Variants in AIDA observed in about 807,000 individuals in gnomAD.
AIDA encodes axin interactor, dorsalization associated, also known as axin interactor, dorsalization-associated protein.
A neutral mutation model predicts 42.7 loss-of-function variants in AIDA; 18 were observed. The observed-to-expected ratio is 0.42, with a 90% CI of 0.29 to 0.63. The LOEUF (loss-of-function observed/expected upper bound fraction) is 0.63, where lower values mean the gene tolerates loss of function less well. AIDA is among the 20% of genes least tolerant of loss of function. AIDA has a pLI of 0.19. For missense variants in AIDA, 250 were observed against 354.1 expected (o/e 0.71, Z 2.36); for synonymous variants, 104 against 122.9 (o/e 0.85, Z 1.02).
Position 222,698,912 on chromosome 1 carries a change from G to A in AIDA, c.180+4236C>T, listed in dbSNP as rs144313250. The stretch of plus-strand genomic sequence containing the variant: ...AGGATCTTGGTTCACTGCAAGCTCC[G>A]CCTCCCAGGTTCATGCCATTGTTCT... On this transcript the variant is annotated intron_variant, in intron 2 of 9. Coordinates refer to ENST00000340020, the MANE Select transcript of AIDA (RefSeq NM_022831.4). 1.7e-3 allele frequency among the ~76,000 whole-genome samples: 253 copies of A among 152,050 alleles called. 1 individual carries two copies. The highest frequency in any genetic ancestry group is 5.4e-3 in the African/African-American group (224 of 41,488).
intron 1 of AIDA, chr1:222,711,879 T>G (rs1032693193): frequency 2.2e-5 from 6 of 273,806 alleles, no homozygotes; most frequent in Non-Finnish European, 4.2e-5. Flanking sequence ...GGAAACTGAC[T>G]GCCAAGTGGG....
chr1:222,668,080 G>A lies in AIDA; in HGVS notation c.*1813C>T, dbSNP rs1035200880. 1.3e-5 allele frequency: 2 copies of A among 152,046 alleles called. No individual in the cohort carries two copies. Among genetic ancestry groups the A allele is most frequent in the Non-Finnish European group, 2.9e-5 (2 of 68,002 alleles). The allele number at this position is 152,046 out of a possible 1,614,324, so 9.4% of individuals were successfully genotyped here. A position where few individuals can be genotyped will look rare whatever the true frequency, so the allele number is the denominator to read the frequency against. ...TTCATATAAACTATACTTATGTGAA[G>A]GATAGCAGATGCTTCATATAAATTA... On this transcript the variant is annotated 3_prime_UTR_variant, in exon 10 of 10. Transcript: ENST00000340020.
chr1:222,688,203 CA>C (rs1165416430), intron 4 of AIDA, among the ~76,000 whole-genome samples: 3 of 151,946 alleles, frequency 2.0e-5, no homozygotes, highest in Non-Finnish European at 4.4e-5. Context: ...TACTCTGTTT[CA>C]AAAAAAGTTG....
chr1:222,682,061 T>C (rs1664664701), intron 6 of AIDA, among the ~76,000 whole-genome samples: 1 of 151,944 alleles, frequency 6.6e-6, no homozygotes, highest in Admixed American at 6.6e-5. Flanking sequence ...GGATGAGGAG[T>C]CTGGGGTTAC....
chr1:222,674,698 T>A (rs758383582), intron 7 of AIDA, among the ~76,000 whole-genome samples: 8 of 152,248 alleles, frequency 5.3e-5, no homozygotes, highest in Non-Finnish European at 8.8e-5. Flanking sequence ...ATGGTTTTAA[T>A]TTCCTGGACC....
chr1:222,686,361 T>C (rs973181974), intron 6 of AIDA, among the ~76,000 whole-genome samples: 1 of 152,218 alleles, frequency 6.6e-6, no homozygotes. Context: ...GTGAACAATA[T>C]GGTTTGTGCT....
At chr1:222,686,753 T>C (rs188902610) in intron 6 of AIDA, among the ~76,000 whole-genome samples, 177 bp downstream of exon 6, 6 of 152,280 alleles carry the variant, frequency 3.9e-5, no homozygotes, top group African/African-American at 1.2e-4. Flanking sequence ...CTGACACAGA[T>C]AGTAAGATAA....
chr1:222,691,908 G>C (rs1015264329), intron 4 of AIDA, among the ~76,000 whole-genome samples: 2 of 152,098 alleles, frequency 1.3e-5, no homozygotes, highest in Non-Finnish European at 2.9e-5. Flanking sequence ...GAATTAAACA[G>C]TATTTTCTTA....
chr1:222,669,085 A>T lies in AIDA; in HGVS notation c.*808T>A, dbSNP rs1245956772. 1 of 151,730 alleles carries T rather than the reference A, an allele frequency of 6.6e-6. No individual in the cohort carries two copies. The highest frequency in any genetic ancestry group is 1.5e-5 in the Non-Finnish European group (1 of 67,958). 9.4% of individuals were successfully genotyped at this position (151,730 alleles called of 1,614,324 possible). A position where few individuals can be genotyped will look rare whatever the true frequency, so the allele number is the denominator to read the frequency against. ...TCTGACTCAATTATTTTTAGATTAC[A>T]TTGTTTAGAAGACATTGTAAACCCA... On this transcript the variant is annotated 3_prime_UTR_variant, in exon 10 of 10. Transcript: ENST00000340020.
chr1:222,671,380 T>C (rs1333767376), intron 8 of AIDA, among the ~76,000 whole-genome samples: 1 of 152,136 alleles, frequency 6.6e-6, no homozygotes, highest in African/African-American at 2.4e-5. Context: ...AAAGAAGGCA[T>C]GGAAAGTGAA....
intron 4 of AIDA, among the ~76,000 whole-genome samples, chr1:222,687,905 C>G (rs1039652877): frequency 1.3e-5 from 2 of 152,066 alleles, no homozygotes; most frequent in African/African-American, 4.8e-5. Context: ...AGAGTAAGTT[C>G]CAGAGTCTCA....
chr1:222,700,997 GT>G (rs1319384609), intron 2 of AIDA, among the ~76,000 whole-genome samples: 1 of 127,496 alleles, frequency 7.8e-6, no homozygotes, highest in Non-Finnish European at 1.6e-5. Context: ...GGGTCTCACT[GT>G]GTCGCCCAGG....
intron 8 of AIDA, 85 bp from the exon 9 acceptor site, chr1:222,670,335 T>C (rs1571920900): frequency 1.9e-6 from 2 of 1,060,614 alleles, no homozygotes; most frequent in South Asian, 1.4e-5. Flanking sequence ...CAGAAGCATA[T>C]GAACAGCTAC....
At chr1:222,678,277 T>TG (rs753279702) in intron 6 of AIDA, among the ~76,000 whole-genome samples, 1 of 151,746 alleles carries the variant, frequency 6.6e-6, no homozygotes, top group African/African-American at 2.4e-5. Context: ...CTAATGTGTT[T>TG]GGGGTCTTTG....
Position 222,670,161 on chromosome 1 carries a change from T to C in AIDA, c.796A>G (p.Ile266Val). 2.5e-6 allele frequency: 4 copies of C among 1,614,114 alleles called. No homozygotes were observed. The highest frequency in any genetic ancestry group is 3.4e-6 in the Non-Finnish European group (4 of 1,179,988). The change falls in exon 9 of 10, where the codon ATT (isoleucine) becomes GTT (valine). Residue 266 changes from isoleucine (I) to valine (V), a missense_variant. Ile to Val is a conservative substitution (Grantham distance 29). This residue lies in a region of AIDA where 35 missense variants were observed against 75.9 expected (regional missense o/e 0.46). Transcript: ENST00000340020. ...TCTATTACAATTGGCCCAGGTTTAATTTCATCCATCTCCATGAAAGCAAAA... is the reference window on the plus strand; with the variant it reads ...TCTATTACAATTGGCCCAGGTTTAACTTCATCCATCTCCATGAAAGCAAAA... Reference protein sequence around the residue: ...KCFAFMEMDEIKPGPIVIELY... With the variant: ...KCFAFMEMDEVKPGPIVIELY...
intron 2 of AIDA, among the ~76,000 whole-genome samples, chr1:222,697,654 TAAAGGA>T (rs1347667228): frequency 1.3e-5 from 2 of 152,088 alleles, no homozygotes; most frequent in Non-Finnish European, 2.9e-5. Flanking sequence ...AAAGATCAGT[TAAAGGA>T]AAAGATGGAA....
intron 1 of AIDA, among the ~76,000 whole-genome samples, chr1:222,707,078 T>TA (rs1309488164): frequency 6.6e-6 from 1 of 152,068 alleles, no homozygotes; most frequent in African/African-American, 2.4e-5. Context: ...TAAATTTCAC[T>TA]AAAAAATCAT....
chr1:222,679,221 T>C (rs979162585), intron 6 of AIDA, among the ~76,000 whole-genome samples: 1 of 152,054 alleles, frequency 6.6e-6, no homozygotes, highest in Middle Eastern at 3.4e-3. Context: ...GTATCAAAGA[T>C]AAAAACATAC....
chr1:222,696,201 C>T (rs1003774460), intron 2 of AIDA, among the ~76,000 whole-genome samples: 1 of 152,182 alleles, frequency 6.6e-6, no homozygotes, highest in Non-Finnish European at 1.5e-5. Context: ...AAAGATTTCA[C>T]GATATTCACA....
Sources: gnomAD v4.1 joint callset for allele counts (sites outside exome capture counted in the v4.1 genomes callset) on GRCh38, gnomAD v4.1.1 for gene constraint, gnomAD v4.1.1 regional missense constraint, MANE v1.5 for transcripts, NCBI Gene and HGNC (gene_info 2026-07-23, HGNC 2026-07-21) for gene names.